The following CDK7 variants were observed in gnomAD, a reference collection of about 807,000 sequenced individuals.
The protein encoded by CDK7 is cyclin dependent kinase 7, also known as cyclin-dependent kinase 7.
A neutral mutation model predicts 49.1 loss-of-function variants in CDK7; 25 were observed. That is an observed-to-expected ratio of 0.51 (90% CI 0.37 to 0.71). The LOEUF (loss-of-function observed/expected upper bound fraction) is 0.71, where lower values mean the gene tolerates loss of function less well. CDK7 is among the 30% of genes least tolerant of loss of function. The probability of loss-of-function intolerance (pLI) is 0.00; values close to 1 mark genes in which losing one functional copy is unlikely to be tolerated. For synonymous variants in CDK7, 107 were observed against 140.0 expected, an observed-to-expected ratio of 0.76 and a Z score of 1.67; for missense variants, 316 against 411.7, an observed-to-expected ratio of 0.77 and a Z score of 2.01.
At chr5:69,258,293 C>T (rs911883800) in intron 6 of CDK7, 140 bp downstream of exon 6, 3 of 528,092 alleles carry the variant, frequency 5.7e-6, no homozygotes, top group Non-Finnish European at 9.9e-6. Flanking sequence ...ATATATTATT[C>T]CCTTCACTTG....
chr5:69,270,104 AATATTATTCACGTGCAATTGTGAAT>A (rs1751435982), intron 9 of CDK7, among the ~76,000 whole-genome samples: 1 of 148,434 alleles, frequency 6.7e-6, no homozygotes, highest in Non-Finnish European at 1.5e-5. Flanking sequence ...TTATTTTGAG[AATATTATTCACGTGCAATTGTGAAT>A]ATATAATTCA....
intron 8 of CDK7, among the ~76,000 whole-genome samples, chr5:69,263,109 T>TA (rs1000352636): frequency 1.7e-4 from 26 of 152,134 alleles, no homozygotes; most frequent in Admixed American, 4.6e-4. Context: ...CATCTTACAG[T>TA]AAAAAAAATC....
intron 1 of CDK7, 119 bp downstream of exon 1, chr5:69,235,160 G>A (rs537135012): frequency 3.0e-6 from 3 of 996,040 alleles, no homozygotes; most frequent in Non-Finnish European, 4.6e-6. Context: ...CTCGTTGGGG[G>A]AAACCGTCCA....
At chr5:69,270,286 T>G (rs1258476943) in intron 9 of CDK7, among the ~76,000 whole-genome samples, 1 of 151,816 alleles carries the variant, frequency 6.6e-6, no homozygotes, top group Non-Finnish European at 1.5e-5. Flanking sequence ...AAACAAAAAT[T>G]AAAAAAATTT....
intron 10 of CDK7, 28 bp from the exon 11 acceptor site, chr5:69,276,514 CT>C (rs1752156001): frequency 6.2e-7 from 1 of 1,606,828 alleles, no homozygotes; most frequent in African/African-American, 1.3e-5. Context: ...ACTCACCTAC[CT>C]TACTTTTGGT....
intron 3 of CDK7, among the ~76,000 whole-genome samples, chr5:69,252,855 AAGTT>A (rs1234498115): frequency 6.6e-6 from 1 of 152,120 alleles, no homozygotes; most frequent in East Asian, 1.9e-4. Context: ...ATGAATTAAT[AAGTT>A]AGTAATGGTT....
chr5:69,277,229 G>C lies in CDK7; in HGVS notation c.*94G>C. ...AACATTAAGTAAATGCTGTAGAAGT[G>C]AGTTTGTAAATATTCTACACATGTA... On this transcript the variant is annotated 3_prime_UTR_variant, in exon 12 of 12. Coordinates refer to ENST00000256443, the MANE Select transcript of CDK7 (RefSeq NM_001799.4). 1.2e-6 allele frequency: 1 copy of C among 840,466 alleles called. No individual in the cohort carries two copies. Among genetic ancestry groups the C allele is most frequent in the Admixed American group, 2.6e-5 (1 of 38,810 alleles). The allele number at this position is 840,466 out of a possible 1,614,324, so 52.1% of individuals were successfully genotyped here. A position where few individuals can be genotyped will look rare whatever the true frequency, so the allele number is the denominator to read the frequency against.
At chr5:69,254,018 T>A (rs1750318978) in intron 3 of CDK7, among the ~76,000 whole-genome samples, 1 of 152,074 alleles carries the variant, frequency 6.6e-6, no homozygotes, top group South Asian at 2.1e-4. Context: ...GAAAATTACT[T>A]GAGTCTGGGA....
intron 8 of CDK7, 100 bp downstream of exon 8, chr5:69,262,404 C>A: frequency 6.6e-7 from 1 of 1,514,292 alleles, no homozygotes. Context: ...CATGGTGGCT[C>A]ACGCCTGTAA....
chr5:69,235,640 T>A, intron 2 of CDK7, 187 bp downstream of exon 2: 1 of 613,018 alleles, frequency 1.6e-6, no homozygotes, highest in Non-Finnish European at 2.9e-6. Context: ...CCCGTTTTAA[T>A]TTCTATTGAA....
chr5:69,253,326 G>A lies in CDK7; in HGVS notation c.160+875G>A, dbSNP rs965519062. 7.2e-5 allele frequency among the ~76,000 whole-genome samples: 11 copies of A among 151,802 alleles called. No individual in the cohort carries two copies. The East Asian group carries it at 1.2e-3, about 16-fold the overall frequency. On this transcript the variant is annotated intron_variant, in intron 3 of 11. Coordinates refer to ENST00000256443, the MANE Select transcript of CDK7 (RefSeq NM_001799.4). ...GTTGCCCAGGCTGGAGTGCAGTATC[G>A]CAATCTCGGCTCACTGCAACCTCTA... is the stretch of plus-strand genomic sequence containing the variant.
chr5:69,256,645 T>C (rs539471149), intron 5 of CDK7, among the ~76,000 whole-genome samples: 21 of 152,252 alleles, frequency 1.4e-4, no homozygotes, highest in African/African-American at 4.6e-4. Flanking sequence ...CCGGCCTCTT[T>C]CTTTTAGATA....
At chr5:69,252,950 C>T (rs960938002) in intron 3 of CDK7, among the ~76,000 whole-genome samples, 2 of 152,152 alleles carry the variant, frequency 1.3e-5, no homozygotes, top group African/African-American at 2.4e-5. Context: ...TTTTTACTTA[C>T]TGGATATTCA....
intron 2 of CDK7, among the ~76,000 whole-genome samples, chr5:69,238,171 A>G (rs772414190): frequency 6.6e-6 from 1 of 152,074 alleles, no homozygotes; most frequent in Non-Finnish European, 1.5e-5. Flanking sequence ...TTGTTTCCCA[A>G]TTTATTTAAC....
At chr5:69,254,966 G>A (rs2150205800) in intron 4 of CDK7, among the ~76,000 whole-genome samples, 1 of 152,276 alleles carries the variant, frequency 6.6e-6, no homozygotes, top group Non-Finnish European at 1.5e-5. Context: ...CTTTCTTTCT[G>A]CCTGTGTGAG....
intron 6 of CDK7, among the ~76,000 whole-genome samples, chr5:69,259,399 T>G (rs929636427): frequency 6.6e-6 from 1 of 152,148 alleles, no homozygotes; most frequent in South Asian, 2.1e-4. Flanking sequence ...CCCTCTTAGG[T>G]TATTGCTGAT....
chr5:69,268,626 G>A (rs1049464942), intron 8 of CDK7, among the ~76,000 whole-genome samples: 1 of 151,720 alleles, frequency 6.6e-6, no homozygotes, highest in African/African-American at 2.4e-5. Context: ...GCCGAGGCGG[G>A]CAAATCACAA....
intron 3 of CDK7, among the ~76,000 whole-genome samples, chr5:69,254,217 C>A (rs537899006): frequency 6.6e-6 from 1 of 152,012 alleles, no homozygotes; most frequent in South Asian, 2.1e-4. Flanking sequence ...AGATTACTAA[C>A]CTTTCTTTAA....
intron 2 of CDK7, among the ~76,000 whole-genome samples, chr5:69,250,341 G>A (rs1393671653): frequency 2.0e-5 from 3 of 152,176 alleles, no homozygotes; most frequent in Non-Finnish European, 2.9e-5. Context: ...ACTTATAGAG[G>A]TACCATCTTG....
Sources: allele counts gnomAD v4.1 joint callset (sites outside exome capture counted in the v4.1 genomes callset), GRCh38; gene constraint gnomAD v4.1.1; transcripts MANE v1.5; gene names NCBI Gene and HGNC (gene_info 2026-07-23, HGNC 2026-07-21).